SEC23IP: variants seen among roughly 807,000 people sequenced by gnomAD.
SEC23IP encodes the protein SEC23-interacting protein.
SEC23IP carries 70 observed loss-of-function variants against 113.4 expected under a neutral mutation model. The observed-to-expected ratio is 0.62, with a 90% confidence interval of 0.51 to 0.75. The LOEUF is 0.75. SEC23IP is among the 30% of genes least tolerant of loss of function. SEC23IP has a pLI of 0.00. For synonymous variants in SEC23IP, 398 were observed against 421.0 expected (o/e 0.95, Z 0.67); for missense variants, 1,160 against 1,204.9 (o/e 0.96, Z 0.55).
rs1855404773 is a variant in SEC23IP, at chr10:119,925,931, G to T, written c.2122-105G>T. On this transcript the variant is annotated intron_variant, in intron 12 of 18. Coordinates refer to ENST00000369075, the MANE Select transcript of SEC23IP (RefSeq NM_007190.4). ...ATCACAATGTTGTTACTATTCCTAA[G>T]AAGTAGCTAATCATTCCTTAATACT... The T allele has an allele frequency of 1.1e-5, 10 of 883,136 alleles. 1 individual carries two copies. Among genetic ancestry groups the T allele is most frequent in the African/African-American group, 1.7e-5 (1 of 59,040 alleles). 54.7% of individuals were successfully genotyped at this position (883,136 alleles called of 1,614,324 possible).
At chr10:119,903,088 T>C (rs1854551504) in intron 3 of SEC23IP, 79 bp downstream of exon 3, 5 of 1,190,164 alleles carry the variant, frequency 4.2e-6, no homozygotes, top group Non-Finnish European at 6.0e-6. Flanking sequence ...ATCTATTTTC[T>C]GTGAATGTCA....
intron 18 of SEC23IP, among the ~76,000 whole-genome samples, chr10:119,939,962 G>A (rs972376450): frequency 6.6e-6 from 1 of 152,148 alleles, no homozygotes; most frequent in African/African-American, 2.4e-5. Flanking sequence ...CTCCCACAGT[G>A]CTGGGATTAC....
intron 13 of SEC23IP, among the ~76,000 whole-genome samples, chr10:119,927,492 G>A (rs1855460383): frequency 6.6e-6 from 1 of 152,074 alleles, no homozygotes; most frequent in East Asian, 1.9e-4. Flanking sequence ...GCAGTTATAG[G>A]TTTATAGATG....
chr10:119,928,238 CTGTT>C (rs1177305001), intron 13 of SEC23IP, among the ~76,000 whole-genome samples: 1 of 151,922 alleles, frequency 6.6e-6, no homozygotes. Flanking sequence ...TTGAATTTAC[CTGTT>C]TTTCTATTTG....
chr10:119,893,054 G>C (rs1323159601), intron 1 of SEC23IP, 109 bp downstream of exon 1: 10 of 1,261,520 alleles, frequency 7.9e-6, no homozygotes, highest in African/African-American at 1.5e-5. Flanking sequence ...CCTCTGGATA[G>C]CTTGCCAGGA....
rs150512874 is a variant in SEC23IP at position 119,927,714 on chromosome 10, C to G, written c.2313+1487C>G. On this transcript the variant is annotated intron_variant, in intron 13 of 18. Transcript: ENST00000369075. ...TATGAGGTATTAGGGGTTAGGACTT[C>G]AACATAAATGTTTTGTGAGGACACA... Among the ~76,000 whole-genome samples the G allele has an allele frequency of 1.1e-4, 16 of 152,312 alleles. No homozygotes were observed. The East Asian group carries it at 3.1e-3, about 29-fold the overall frequency.
At chr10:119,913,030 A>T (rs1219858738) in intron 6 of SEC23IP, among the ~76,000 whole-genome samples, 2 of 152,222 alleles carry the variant, frequency 1.3e-5, no homozygotes, top group Non-Finnish European at 2.9e-5. Flanking sequence ...TTCCTTCAAC[A>T]TACCTGTATG....
At chr10:119,919,627 GAA>G in intron 11 of SEC23IP, 31 bp downstream of exon 11, 1 of 1,526,124 alleles carries the variant, frequency 6.6e-7, no homozygotes, top group Non-Finnish European at 8.8e-7. Context: ...CATTTTGTTT[GAA>G]ATTGTTTTTC....
chr10:119,892,928 C>T lies in SEC23IP; in HGVS notation c.146C>T (p.Ser49Phe), dbSNP rs745892335. ...ACCCAGGCCTCCGCTTCTCCGGCCT[C>T]CCTGCTCTTACCGGGAGGTAATAAG... ...PVTQASASPA[S>F]LLLPGEDSTD... Residue 49 changes from serine to phenylalanine, a missense_variant, in exon 1 of 19, where the codon TCC becomes TTC. Coordinates refer to ENST00000369075, the MANE Select transcript of SEC23IP (RefSeq NM_007190.4). The T allele has an allele frequency of 9.3e-6, 15 of 1,612,926 alleles. No individual in the cohort carries two copies. The South Asian group carries it at 1.6e-4, about 18-fold the overall frequency.
At position 119,944,402 on chromosome 10, in the gene SEC23IP, C is replaced by G. The variant is rs1467954702; in HGVS notation, c.*3837C>G. On this transcript the variant is annotated 3_prime_UTR_variant, in exon 19 of 19. Coordinates refer to ENST00000369075, the MANE Select transcript of SEC23IP (RefSeq NM_007190.4). ...TTGAACCCCTTTTGTTTATAAATTG[C>G]CCAGTCTCAGGTAGTACCTTGATAG... The G allele has an allele frequency of 1.3e-5, 2 of 152,186 alleles. No homozygotes were observed. Among genetic ancestry groups the G allele is most frequent in the African/African-American group, 2.4e-5 (1 of 41,422 alleles). 9.4% of individuals were successfully genotyped at this position (152,186 alleles called of 1,614,324 possible). A position where few individuals can be genotyped will look rare whatever the true frequency, so the allele number is the denominator to read the frequency against.
intron 8 of SEC23IP, 34 bp downstream of exon 8, chr10:119,915,923 A>G: frequency 7.0e-7 from 1 of 1,426,530 alleles, no homozygotes; most frequent in Non-Finnish European, 9.3e-7. Flanking sequence ...TTTTCAGATT[A>G]GTCATATTTA....
intron 1 of SEC23IP, among the ~76,000 whole-genome samples, chr10:119,893,266 A>G (rs573844921): frequency 6.6e-6 from 1 of 152,144 alleles, no homozygotes. Context: ...AATAAATTAA[A>G]CAGTGGCCCT....
chr10:119,906,985 C>A (rs573095221), intron 4 of SEC23IP, among the ~76,000 whole-genome samples: 5 of 146,250 alleles, frequency 3.4e-5, no homozygotes, highest in African/African-American at 1.3e-4. Context: ...TTTTTTAAAT[C>A]GAAGAGGAGG....
At position 119,929,839 on chromosome 10, in the gene SEC23IP, G is replaced by C. The variant is rs187532928; in HGVS notation, c.2469+77G>C. 2.9e-3 allele frequency: 2,902 copies of C among 992,268 alleles called. 16 individuals are homozygous for C. Among genetic ancestry groups the C allele is most frequent in the Non-Finnish European group, 3.2e-3 (2,157 of 669,204 alleles). The allele number at this position is 992,268 out of a possible 1,614,324, so 61.5% of individuals were successfully genotyped here. A position where few individuals can be genotyped will look rare whatever the true frequency, so the allele number is the denominator to read the frequency against. On this transcript the variant is annotated intron_variant, in intron 14 of 18. Coordinates refer to ENST00000369075, the MANE Select transcript of SEC23IP (RefSeq NM_007190.4). ...CATTTTTTACTTTTTTATAGAGATGGGGTCTTACTATGTGGACCACACTGG... is the reference window on the plus strand; with the variant it reads ...CATTTTTTACTTTTTTATAGAGATGCGGTCTTACTATGTGGACCACACTGG...
At position 119,940,698 on chromosome 10, in the gene SEC23IP, A is replaced by G. The variant is rs545589615; in HGVS notation, c.*133A>G. On this transcript the variant is annotated 3_prime_UTR_variant, in exon 19 of 19. Transcript: ENST00000369075. ...ATGACAGAAGAGTGATTCATTAACA[A>G]TTGCTCAGCCACAATTCTCGGATAT... 16 of 152,238 alleles carry G rather than the reference A, an allele frequency of 1.1e-4. 1 individual carries two copies. The highest frequency in any genetic ancestry group is 2.9e-4 in the African/African-American group (12 of 41,520). 9.4% of individuals were successfully genotyped at this position (152,238 alleles called of 1,614,324 possible).
chr10:119,922,278 G>T (rs545308752), intron 12 of SEC23IP, among the ~76,000 whole-genome samples: 6 of 152,140 alleles, frequency 3.9e-5, no homozygotes, highest in Non-Finnish European at 8.8e-5. Flanking sequence ...AATCTGGCAT[G>T]TGTTTTCCTG....
chr10:119,911,698 C>T (rs917129312), intron 5 of SEC23IP, among the ~76,000 whole-genome samples: 6 of 152,052 alleles, frequency 3.9e-5, no homozygotes, highest in South Asian at 2.1e-4. Flanking sequence ...TTGTCTTGAA[C>T]GCCTGGGCTC....
At chr10:119,908,098 G>C (rs189911648) in intron 4 of SEC23IP, among the ~76,000 whole-genome samples, 16 of 152,284 alleles carry the variant, frequency 1.1e-4, no homozygotes, top group Non-Finnish European at 1.8e-4. Flanking sequence ...TTATATAAAG[G>C]ACTTGAACAC....
intron 4 of SEC23IP, among the ~76,000 whole-genome samples, chr10:119,908,451 A>T (rs1854751495): frequency 6.6e-6 from 1 of 152,192 alleles, no homozygotes; most frequent in South Asian, 2.1e-4. Context: ...ATTTGGAAAT[A>T]GGGTCATTGC....
Sources: gnomAD v4.1 joint callset for allele counts (sites outside exome capture counted in the v4.1 genomes callset) on GRCh38, gnomAD v4.1.1 for gene constraint, MANE v1.5 for transcripts, NCBI Gene and HGNC (gene_info 2026-07-23, HGNC 2026-07-21) for gene names.